The following ULK4 variants were observed in gnomAD, a reference collection of about 807,000 sequenced individuals.
The protein encoded by ULK4 is unc-51 like kinase 4.
ULK4 carries 133 observed loss-of-function variants against 160.6 expected under a neutral mutation model. That is an observed-to-expected ratio of 0.83 (90% CI 0.72 to 0.96). The LOEUF (loss-of-function observed/expected upper bound fraction) is 0.96, where lower values mean the gene tolerates loss of function less well. Ranked by LOEUF, ULK4 falls within the 40% of genes least tolerant of loss-of-function variation. The probability of loss-of-function intolerance (pLI) is 0.00; values close to 1 mark genes in which losing one functional copy is unlikely to be tolerated. For synonymous variants in ULK4, 534 were observed against 539.8 expected (o/e 0.99, Z 0.15); for missense variants, 1,580 against 1,499.5 (o/e 1.05, Z -0.89).
At chr3:41,717,687 TA>T in intron 23 of ULK4, 40 bp downstream of exon 23, 1 of 1,572,236 alleles carries the variant, frequency 6.4e-7, no homozygotes, top group Non-Finnish European at 8.7e-7. Context: ...CTTAGAAACG[TA>T]AAAGCAGAAA....
chr3:41,760,785 A>C (rs1447397677), intron 21 of ULK4, among the ~76,000 whole-genome samples: 2 of 152,224 alleles, frequency 1.3e-5, no homozygotes, highest in Non-Finnish European at 2.9e-5. Context: ...AATCTGAAAC[A>C]CTTCTGGTCT....
chr3:41,586,717 G>T (rs1313332594), intron 31 of ULK4, among the ~76,000 whole-genome samples: 2 of 152,106 alleles, frequency 1.3e-5, no homozygotes, highest in African/African-American at 4.8e-5. Context: ...TGACATATGA[G>T]AATGTAGTCT....
At chr3:41,494,504 C>T (rs2084913518) in intron 32 of ULK4, among the ~76,000 whole-genome samples, 1 of 150,454 alleles carries the variant, frequency 6.6e-6, no homozygotes, top group African/African-American at 2.4e-5. Context: ...GAAGCATTCC[C>T]TTTGAAAACT....
chr3:41,673,935 C>G (rs1197782543), intron 29 of ULK4, among the ~76,000 whole-genome samples: 1 of 152,110 alleles, frequency 6.6e-6, no homozygotes, highest in Non-Finnish European at 1.5e-5. Context: ...AATGTAAGCT[C>G]ACTGAGGGGC....
intron 30 of ULK4, among the ~76,000 whole-genome samples, chr3:41,626,060 C>T (rs1396258975): frequency 6.6e-6 from 1 of 152,118 alleles, no homozygotes; most frequent in East Asian, 1.9e-4. Context: ...TTAATGGTGC[C>T]ATTTAATGAC....
At chr3:41,702,177 T>C (rs2036697725) in intron 27 of ULK4, among the ~76,000 whole-genome samples, 1 of 152,154 alleles carries the variant, frequency 6.6e-6, no homozygotes, top group Non-Finnish European at 1.5e-5. Context: ...TTATTTATTT[T>C]GAAATAGAGT....
intron 34 of ULK4, among the ~76,000 whole-genome samples, chr3:41,454,020 C>T (rs1241911422): frequency 4.1e-5 from 4 of 96,570 alleles, no homozygotes; most frequent in Non-Finnish European, 7.5e-5. Context: ...CACACTGGGG[C>T]CTGTCATGGG....
Position 41,295,317 on chromosome 3 carries a change from T to G in ULK4, c.3679-45743A>C, listed in dbSNP as rs1437673140. ...ACTCAAAATGGATCACAGACCTAAA[T>G]GTAAAATGCAAGACTTACAGACCTC... On this transcript the variant is annotated intron_variant, in intron 35 of 36. Coordinates refer to ENST00000301831, the MANE Select transcript of ULK4 (RefSeq NM_017886.4). 3.0e-5 allele frequency among the ~76,000 whole-genome samples: 4 copies of G among 133,874 alleles called. 1 individual carries two copies. Among genetic ancestry groups the G allele is most frequent in the Admixed American group, 7.2e-5 (1 of 13,864 alleles). The allele number at this position is 133,874 out of a possible 152,430, so 87.8% of individuals were successfully genotyped here.
intron 4 of ULK4, 125 bp downstream of exon 4, chr3:41,935,676 A>T (rs1699754382): frequency 8.2e-7 from 1 of 1,218,286 alleles, no homozygotes; most frequent in Admixed American, 2.8e-5. Flanking sequence ...TTATTTTAAA[A>T]AAAGATTAAC....
chr3:41,302,834 A>G (rs528139935), intron 35 of ULK4, among the ~76,000 whole-genome samples: 330 of 152,360 alleles, frequency 2.2e-3, no homozygotes, highest in African/African-American at 7.2e-3. Context: ...CAAACTGTCT[A>G]TCGTTGGCTC....
intron 36 of ULK4, 91 bp downstream of exon 36, chr3:41,249,398 G>A: frequency 8.4e-7 from 1 of 1,194,644 alleles, no homozygotes; most frequent in East Asian, 2.5e-5. Flanking sequence ...CCCTGGTGTG[G>A]AGGGAGATGA....
intron 34 of ULK4, among the ~76,000 whole-genome samples, chr3:41,404,409 C>T (rs1202489762): frequency 6.6e-6 from 1 of 152,062 alleles, no homozygotes; most frequent in East Asian, 1.9e-4. Flanking sequence ...ACCACTCCTG[C>T]TTTTAAAAAT....
chr3:41,381,636 A>G (rs1251754620), intron 35 of ULK4, among the ~76,000 whole-genome samples: 1 of 152,196 alleles, frequency 6.6e-6, no homozygotes, highest in Non-Finnish European at 1.5e-5. Context: ...TATATCCAAA[A>G]TATAACCATT....
chr3:41,795,551 T>A (rs973756425), intron 20 of ULK4, among the ~76,000 whole-genome samples: 6 of 152,202 alleles, frequency 3.9e-5, no homozygotes, highest in African/African-American at 1.4e-4. Context: ...TTAAAATGTA[T>A]GACATTATAA....
At chr3:41,505,756 A>G (rs2085352217) in intron 32 of ULK4, among the ~76,000 whole-genome samples, 1 of 152,078 alleles carries the variant, frequency 6.6e-6, no homozygotes, top group African/African-American at 2.4e-5. Context: ...GTCATCTGAA[A>G]ATAAGGGTAG....
At position 41,940,190 on chromosome 3, in the gene ULK4, G is replaced by A. The variant is rs547855205; in HGVS notation, c.139-1993C>T. ...AGATCACCACATCCAGACACGAAGC[G>A]CCAGGCCCCTCATTCATCATGACTG... On this transcript the variant is annotated intron_variant, in intron 2 of 36. Transcript: ENST00000301831. Among the ~76,000 whole-genome samples the A allele has an allele frequency of 5.9e-5, 9 of 152,142 alleles. 1 individual carries two copies. The highest frequency in any genetic ancestry group is 3.4e-3 in the Middle Eastern group (1 of 294).
chr3:41,375,557 T>G (rs1056967323), intron 35 of ULK4, among the ~76,000 whole-genome samples: 1 of 150,308 alleles, frequency 6.7e-6, no homozygotes, highest in Non-Finnish European at 1.5e-5. Context: ...TAAATGGTGC[T>G]GGGAAACCTG....
At chr3:41,601,808 C>T (rs538344793) in intron 31 of ULK4, among the ~76,000 whole-genome samples, 2 of 152,306 alleles carry the variant, frequency 1.3e-5, no homozygotes, top group African/African-American at 2.4e-5. Context: ...GGAACTACCA[C>T]ATATCAGAAG....
intron 21 of ULK4, among the ~76,000 whole-genome samples, chr3:41,762,576 A>G (rs182972147): frequency 6.6e-6 from 1 of 151,710 alleles, no homozygotes; most frequent in Admixed American, 6.6e-5. Context: ...ACTTAGAGTC[A>G]TGGTAGAAGG....
Sources: gnomAD v4.1 joint callset for allele counts (sites outside exome capture counted in the v4.1 genomes callset) on GRCh38, gnomAD v4.1.1 for gene constraint, MANE v1.5 for transcripts, NCBI Gene and HGNC (gene_info 2026-07-23, HGNC 2026-07-21) for gene names.